Variants in SNX29 observed in about 807,000 individuals in gnomAD.
SNX29 encodes sorting nexin-29.
A neutral mutation model predicts 102.1 loss-of-function variants in SNX29; 78 were observed. That is an observed-to-expected ratio of 0.76 (90% CI 0.64 to 0.92). The LOEUF is 0.92. Ranked by LOEUF, SNX29 falls within the 40% of genes least tolerant of loss-of-function variation. The pLI is 0.00. For synonymous variants in SNX29, 580 were observed against 414.5 expected, an observed-to-expected ratio of 1.40 and a Z score of -4.85; for missense variants, 1,280 against 1,061.7, an observed-to-expected ratio of 1.21 and a Z score of -2.86.
At chr16:12,519,868 C>T (rs2090027142) in intron 19 of SNX29, among the ~76,000 whole-genome samples, 1 of 152,038 alleles carries the variant, frequency 6.6e-6, no homozygotes, top group African/African-American at 2.4e-5. Context: ...ATTAGCTAGG[C>T]ATGGTGGTGT....
intron 11 of SNX29, among the ~76,000 whole-genome samples, chr16:12,107,744 C>T (rs535038894): frequency 6.6e-6 from 1 of 152,214 alleles, no homozygotes; most frequent in East Asian, 1.9e-4. Flanking sequence ...GACTGCCTGC[C>T]CTGTCCAGGC....
chr16:12,187,635 A>G lies in SNX29; in HGVS notation c.1596-11966A>G, dbSNP rs574136317. Among the ~76,000 whole-genome samples, 4 of 151,416 alleles carry G rather than the reference A, an allele frequency of 2.6e-5. No homozygotes were observed. The East Asian group carries it at 7.8e-4, about 29-fold the overall frequency. On this transcript the variant is annotated intron_variant, in intron 13 of 20. Transcript: ENST00000566228. ...TCTTCTTGGGGCCTGTCGGGAAACA[A>G]TTTTCTATTTCATAGTAGTTTCTCT...
At chr16:12,420,023 A>G (rs1015134833) in intron 18 of SNX29, among the ~76,000 whole-genome samples, 1 of 152,192 alleles carries the variant, frequency 6.6e-6, no homozygotes, top group Non-Finnish European at 1.5e-5. Flanking sequence ...TCTCCACACC[A>G]GGGTTTTTTA....
At chr16:12,204,266 C>G (rs550862882) in intron 14 of SNX29, among the ~76,000 whole-genome samples, 1 of 152,288 alleles carries the variant, frequency 6.6e-6, no homozygotes, top group East Asian at 1.9e-4. Context: ...ATTCCGCCAG[C>G]CTCCCCTGCT....
At chr16:12,021,781 A>G (rs957344571) in intron 3 of SNX29, among the ~76,000 whole-genome samples, 1 of 151,558 alleles carries the variant, frequency 6.6e-6, no homozygotes, top group East Asian at 1.9e-4. Context: ...AATCCCAGCT[A>G]CTCCAGAGGC....
intron 1 of SNX29, among the ~76,000 whole-genome samples, chr16:11,984,568 T>G (rs1394173024): frequency 6.6e-6 from 1 of 152,176 alleles, no homozygotes; most frequent in Non-Finnish European, 1.5e-5. Flanking sequence ...GTACAACTTT[T>G]AACTATTGAT....
chr16:12,262,445 C>G (rs997048928), intron 14 of SNX29, among the ~76,000 whole-genome samples: 2 of 152,162 alleles, frequency 1.3e-5, no homozygotes, highest in Non-Finnish European at 2.9e-5. Flanking sequence ...CACAAAGAGA[C>G]AGGCACGAGG....
At chr16:12,401,044 G>A (rs1214710007) in intron 17 of SNX29, among the ~76,000 whole-genome samples, 1 of 152,080 alleles carries the variant, frequency 6.6e-6, no homozygotes, top group Non-Finnish European at 1.5e-5. Context: ...TGTTAGCCAG[G>A]ATGGTCTCGA....
intron 18 of SNX29, among the ~76,000 whole-genome samples, chr16:12,445,717 C>T (rs2086018017): frequency 6.6e-6 from 1 of 152,216 alleles, no homozygotes; most frequent in South Asian, 2.1e-4. Flanking sequence ...TCCAACCTCA[C>T]AAGTAGGTGT....
At chr16:12,275,837 G>A (rs1596722482) in intron 14 of SNX29, among the ~76,000 whole-genome samples, 1 of 148,440 alleles carries the variant, frequency 6.7e-6, no homozygotes, top group Admixed American at 6.7e-5. Flanking sequence ...TCAAATCTGG[G>A]TACTTACCAT....
At chr16:11,988,517 C>A (rs973478265) in intron 1 of SNX29, among the ~76,000 whole-genome samples, 1 of 152,104 alleles carries the variant, frequency 6.6e-6, no homozygotes, top group Non-Finnish European at 1.5e-5. Flanking sequence ...ACACCTCAGC[C>A]TCCCTCATAG....
At chr16:12,548,961 A>C (rs1356441989) in intron 20 of SNX29, among the ~76,000 whole-genome samples, 1 of 152,230 alleles carries the variant, frequency 6.6e-6, no homozygotes, top group Non-Finnish European at 1.5e-5. Context: ...ACTCTCAAGC[A>C]ACAGCACAAG....
chr16:12,535,537 C>T (rs754134672), intron 20 of SNX29, among the ~76,000 whole-genome samples: 1 of 152,198 alleles, frequency 6.6e-6, no homozygotes, highest in Non-Finnish European at 1.5e-5. Context: ...AAGCCATAGT[C>T]TCACAGCTGG....
intron 16 of SNX29, among the ~76,000 whole-genome samples, chr16:12,368,778 C>T (rs546977666): frequency 6.6e-6 from 1 of 152,360 alleles, no homozygotes; most frequent in Admixed American, 6.5e-5. Flanking sequence ...GTTTGCCGCT[C>T]ACAACGTCAC....
chr16:12,021,568 A>AT (rs1352959130), intron 3 of SNX29, among the ~76,000 whole-genome samples: 5 of 152,166 alleles, frequency 3.3e-5, no homozygotes, highest in Non-Finnish European at 7.3e-5. Flanking sequence ...CTTTTAATAG[A>AT]TTCGTGTGCA....
chr16:12,492,434 T>G (rs1222458452), intron 19 of SNX29, among the ~76,000 whole-genome samples: 2 of 152,234 alleles, frequency 1.3e-5, no homozygotes, highest in Non-Finnish European at 2.9e-5. Flanking sequence ...ATATTAGCCC[T>G]TTGTCAGATG....
At chr16:12,214,397 C>T (rs2077268185) in intron 14 of SNX29, among the ~76,000 whole-genome samples, 1 of 152,192 alleles carries the variant, frequency 6.6e-6, no homozygotes, top group South Asian at 2.1e-4. Flanking sequence ...TTGTTTTCAA[C>T]TGCTTTCTGT....
intron 18 of SNX29, among the ~76,000 whole-genome samples, chr16:12,435,020 C>G (rs1005026774): frequency 1.3e-5 from 2 of 152,076 alleles, no homozygotes; most frequent in Admixed American, 6.5e-5. Flanking sequence ...AGGCTGTGAT[C>G]TGTGACCAGG....
chr16:12,493,844 G>A (rs1412960798), intron 19 of SNX29, among the ~76,000 whole-genome samples: 2 of 152,110 alleles, frequency 1.3e-5, no homozygotes, highest in Non-Finnish European at 2.9e-5. Flanking sequence ...CACCCGCCTC[G>A]GCCTCCCAAA....
Sources: allele counts gnomAD v4.1 joint callset (sites outside exome capture counted in the v4.1 genomes callset), GRCh38; gene constraint gnomAD v4.1.1; transcripts MANE v1.5; gene names NCBI Gene and HGNC (gene_info 2026-07-23, HGNC 2026-07-21).